Variants in MYO10 observed in about 807,000 individuals in gnomAD.
The protein encoded by MYO10 is unconventional myosin-X.
In MYO10, 133 loss-of-function variants were observed where a neutral mutation model predicts 257.3. That is an observed-to-expected ratio of 0.52 (90% CI 0.45 to 0.60). The LOEUF is 0.60. MYO10 is among the 20% of genes least tolerant of loss of function. MYO10 has a pLI of 0.00. For missense variants in MYO10, 2,399 were observed against 2,635.7 expected (o/e 0.91, Z 1.97); for synonymous variants, 1,104 against 1,028.6 (o/e 1.07, Z -1.40).
rs1031032053 is a variant in MYO10, at chr5:16,676,659, T to G, written c.4543-505A>C. Among the ~76,000 whole-genome samples, 8 of 152,198 alleles carry G rather than the reference T, an allele frequency of 5.3e-5. No homozygotes were observed. In the East Asian group the frequency reaches 1.5e-3, roughly 29 times the overall value. On this transcript the variant is annotated intron_variant, in intron 33 of 40. Transcript: ENST00000513610. ...TGAACCCGGGAGGCGGAGGTTGCAGTGAGCCAAGATCATGCCACGGCACTC... is the reference window on the plus strand; with the variant it reads ...TGAACCCGGGAGGCGGAGGTTGCAGGGAGCCAAGATCATGCCACGGCACTC...
chr5:16,736,847 G>A (rs1739824340), intron 19 of MYO10, among the ~76,000 whole-genome samples: 1 of 152,150 alleles, frequency 6.6e-6, no homozygotes, highest in Non-Finnish European at 1.5e-5. Context: ...AGCGGGATTT[G>A]TTTTGGCTCA....
intron 4 of MYO10, among the ~76,000 whole-genome samples, chr5:16,787,626 A>C (rs922027029): frequency 5.4e-5 from 8 of 149,466 alleles, no homozygotes; most frequent in African/African-American, 7.6e-5. Context: ...AAAAAAAAAA[A>C]AAAAAAAACT....
chr5:16,916,268 T>C, intron 1 of MYO10: 3 of 385,806 alleles, frequency 7.8e-6, no homozygotes. Flanking sequence ...ACTCGTGTTC[T>C]AACAAATTAA....
chr5:16,666,805 G>C lies in MYO10; in HGVS notation c.6076-12C>G. The C allele has an allele frequency of 6.3e-7, 1 of 1,585,554 alleles. No homozygotes were observed. Among genetic ancestry groups the C allele is most frequent in the Non-Finnish European group, 8.6e-7 (1 of 1,167,112 alleles). ...GCCACATCCACCACCTGCCCAGGGG[G>C]AAGCAGAACCGACACAGCGTCACAA... On this transcript the variant is annotated splice_polypyrimidine_tract_variant and intron_variant, in intron 40 of 40. Coordinates refer to ENST00000513610, the MANE Select transcript of MYO10 (RefSeq NM_012334.3).
intron 2 of MYO10, among the ~76,000 whole-genome samples, chr5:16,858,897 G>C (rs1344475433): frequency 6.6e-6 from 1 of 152,116 alleles, no homozygotes; most frequent in African/African-American, 2.4e-5. Context: ...GGTGGAGGTG[G>C]CAGTGAGCCG....
chr5:16,776,109 CT>C (rs1216426662), intron 9 of MYO10, among the ~76,000 whole-genome samples: 1 of 151,566 alleles, frequency 6.6e-6, no homozygotes, highest in Non-Finnish European at 1.5e-5. Flanking sequence ...GTTGCCCAGG[CT>C]GGTCTTGAAC....
At chr5:16,933,134 C>A (rs150044996) in intron 1 of MYO10, among the ~76,000 whole-genome samples, 1 of 152,358 alleles carries the variant, frequency 6.6e-6, no homozygotes, top group African/African-American at 2.4e-5. Context: ...CGCCAAACAA[C>A]TGCTTCACAG....
intron 19 of MYO10, chr5:16,738,432 CTT>C: frequency 9.1e-6 from 9 of 984,182 alleles, no homozygotes; most frequent in Non-Finnish European, 1.1e-5. Flanking sequence ...GTCACAGACT[CTT>C]TTTGGAAATG....
chr5:16,669,507 C>G (rs1198795364), intron 39 of MYO10, among the ~76,000 whole-genome samples: 1 of 152,160 alleles, frequency 6.6e-6, no homozygotes, highest in Non-Finnish European at 1.5e-5. Context: ...CCCGGCCAAG[C>G]CAGTAGCTTT....
intron 19 of MYO10, among the ~76,000 whole-genome samples, chr5:16,744,562 G>A (rs1023442853): frequency 5.9e-5 from 9 of 152,084 alleles, no homozygotes; most frequent in Non-Finnish European, 1.0e-4. Flanking sequence ...CAGCAGGCGC[G>A]GCGCAGGGCT....
rs1225720585 is a variant in MYO10 at position 16,666,166 on chromosome 5, A to C, written c.*526T>G. ...GTTGATTCATGTCATTCCATGAGAA[A>C]GGCTGCCCGCAGCACTCCAGCTCAA... On this transcript the variant is annotated 3_prime_UTR_variant, in exon 41 of 41. Coordinates refer to ENST00000513610, the MANE Select transcript of MYO10 (RefSeq NM_012334.3). 6.5e-6 allele frequency: 1 copy of C among 153,364 alleles called. No individual in the cohort carries two copies. Among genetic ancestry groups the C allele is most frequent in the Admixed American group, 6.5e-5 (1 of 15,300 alleles). The allele number at this position is 153,364 out of a possible 1,614,324, so 9.5% of individuals were successfully genotyped here.
chr5:16,663,328 G>GTTTGTTT lies in MYO10; in HGVS notation c.*3363_*3364insAAACAAA, dbSNP rs1736042206. 3 of 76,888 alleles carry GTTTGTTT rather than the reference G, an allele frequency of 3.9e-5. No homozygotes were observed. Among genetic ancestry groups the GTTTGTTT allele is most frequent in the African/African-American group, 1.9e-4 (3 of 15,498 alleles). The allele number at this position is 76,888 out of a possible 1,614,324, so 4.8% of individuals were successfully genotyped here. A position where few individuals can be genotyped will look rare whatever the true frequency, so the allele number is the denominator to read the frequency against. ...AAAAAGTAACATTTTACTTCTAGTTGTTTTTTTTTTTTTTTTTTTTTTTTT... is the reference window on the plus strand; with the variant it reads ...AAAAAGTAACATTTTACTTCTAGTTGTTTGTTTTTTTTTTTTTTTTTTTTTTTTTTTT... On this transcript the variant is annotated 3_prime_UTR_variant, in exon 41 of 41. Coordinates refer to ENST00000513610, the MANE Select transcript of MYO10 (RefSeq NM_012334.3).
intron 1 of MYO10, among the ~76,000 whole-genome samples, chr5:16,906,606 T>C (rs1745526050): frequency 6.6e-6 from 1 of 152,212 alleles, no homozygotes; most frequent in Non-Finnish European, 1.5e-5. Context: ...GAAGCCAGCA[T>C]GGCCAAAACC....
Position 16,675,043 on chromosome 5 carries a change from T to A in MYO10, c.4774A>T (p.Ile1592Phe). The A allele has an allele frequency of 6.2e-7, 1 of 1,613,978 alleles. No individual in the cohort carries two copies. The highest frequency in any genetic ancestry group is 8.5e-7 in the Non-Finnish European group (1 of 1,179,894). Residue 1592 changes from isoleucine (I) to phenylalanine (F), a missense_variant, in exon 35 of 41, where the codon ATC becomes TTC. Ile to Phe is a conservative substitution (Grantham distance 21, BLOSUM62 0). This residue lies in a region of MYO10 where 1,820 missense variants were observed against 1,939.4 expected (regional missense o/e 0.94). Transcript: ENST00000513610. ...CGCAGGTCATGCCCTGTCTGTAGGA[T>A]GCCCTGGATTATTGGAATTGGGTCA... ...MSDPIPIIQG[I>F]LQTGHDLRPL... is the part of the protein sequence containing the mutation.
At chr5:16,879,404 C>A (rs1427695460) in intron 1 of MYO10, among the ~76,000 whole-genome samples, 2 of 152,146 alleles carry the variant, frequency 1.3e-5, no homozygotes, top group Admixed American at 6.5e-5. Context: ...CCTCATTTTA[C>A]GCTACTTTAA....
chr5:16,671,076 A>ACT, intron 38 of MYO10, 98 bp from the exon 39 acceptor site: 1 of 1,143,630 alleles, frequency 8.7e-7, no homozygotes, highest in Non-Finnish European at 1.2e-6. Context: ...TTTCTCTCAA[A>ACT]CTCACCTTCC....
At chr5:16,712,710 G>A (rs918921848) in intron 19 of MYO10, among the ~76,000 whole-genome samples, 3 of 152,228 alleles carry the variant, frequency 2.0e-5, no homozygotes, top group African/African-American at 4.8e-5. Flanking sequence ...GCTGCCATCA[G>A]CCCTAGTGGG....
rs774984255 is a variant in MYO10, at chr5:16,758,113, C to T, written c.1848+5G>A. ...GATTCCTCTAAGCCAGCAGTGAAAA[C>T]GAACCTTGAACTGTGAGCTGACTGT... On this transcript the variant is annotated splice_donor_5th_base_variant and intron_variant, in intron 18 of 40. Coordinates refer to ENST00000513610, the MANE Select transcript of MYO10 (RefSeq NM_012334.3). 6.9e-6 allele frequency: 11 copies of T among 1,592,940 alleles called. No individual in the cohort carries two copies. The highest frequency in any genetic ancestry group is 5.4e-5 in the African/African-American group (4 of 74,398).
chr5:16,777,839 C>CTTTT (rs61326508), intron 9 of MYO10, among the ~76,000 whole-genome samples: 5,545 of 88,432 alleles, frequency 0.063, 775 homozygotes, highest in Non-Finnish European at 0.083. Context: ...TTGCATCTAA[C>CTTTT]TTTTTTTTTT....
Sources: gnomAD v4.1 joint callset for allele counts (sites outside exome capture counted in the v4.1 genomes callset) on GRCh38, gnomAD v4.1.1 for gene constraint, gnomAD v4.1.1 regional missense constraint, MANE v1.5 for transcripts, NCBI Gene and HGNC (gene_info 2026-07-23, HGNC 2026-07-21) for gene names.